Variants in DCDC1 observed in about 807,000 individuals in gnomAD.
The protein encoded by DCDC1 is doublecortin domain containing 1, also known as doublecortin domain-containing protein 1.
DCDC1 carries 200 observed loss-of-function variants against 178.3 expected under a neutral mutation model. The observed-to-expected ratio is 1.12, with a 90% CI of 1.00 to 1.26. The LOEUF is 1.26. Ranked by LOEUF, DCDC1 falls within the 50% of genes most tolerant of loss-of-function variation. The probability of loss-of-function intolerance (pLI) is 0.00; values close to 1 mark genes in which losing one functional copy is unlikely to be tolerated. For synonymous variants in DCDC1, 690 were observed against 604.8 expected (o/e 1.14, Z -2.07); for missense variants, 1,983 against 1,749.2 (o/e 1.13, Z -2.38).
chr11:31,110,710 C>CAA (rs10714067), intron 11 of DCDC1, among the ~76,000 whole-genome samples: 1 of 142,474 alleles, frequency 7.0e-6, no homozygotes. Flanking sequence ...AAGCAAGTGT[C>CAA]AAAAAAAAAA....
chr11:30,942,122 G>A (rs951045717), intron 21 of DCDC1, among the ~76,000 whole-genome samples: 7 of 152,134 alleles, frequency 4.6e-5, no homozygotes, highest in African/African-American at 1.7e-4. Flanking sequence ...ATTTAGATAA[G>A]TGTCTGCTAT....
At chr11:31,237,953 T>TATA (rs1337439706) in intron 9 of DCDC1, among the ~76,000 whole-genome samples, 2 of 152,064 alleles carry the variant, frequency 1.3e-5, no homozygotes, top group African/African-American at 4.8e-5. Context: ...CTTACCATGA[T>TATA]ATAATAGATA....
At chr11:31,090,153 T>C (rs1041098650) in intron 17 of DCDC1, among the ~76,000 whole-genome samples, 1 of 152,188 alleles carries the variant, frequency 6.6e-6, no homozygotes, top group African/African-American at 2.4e-5. Context: ...TTAGGAACTA[T>C]GTATTTAGGA....
intron 8 of DCDC1, among the ~76,000 whole-genome samples, chr11:31,259,027 T>G (rs777083550): frequency 6.6e-6 from 1 of 152,084 alleles, no homozygotes; most frequent in Non-Finnish European, 1.5e-5. Flanking sequence ...CAACACAAAC[T>G]GCCAGATGTT....
At chr11:31,063,931 A>G (rs1203145529) in intron 20 of DCDC1, among the ~76,000 whole-genome samples, 1 of 152,160 alleles carries the variant, frequency 6.6e-6, no homozygotes, top group Admixed American at 6.5e-5. Context: ...TGAAATAAAG[A>G]GGATCAGAGA....
At chr11:31,090,134 T>C (rs1213776217) in intron 17 of DCDC1, among the ~76,000 whole-genome samples, 1 of 152,162 alleles carries the variant, frequency 6.6e-6, no homozygotes, top group Non-Finnish European at 1.5e-5. Flanking sequence ...TAGGGTTGTC[T>C]GCCACTACTT....
intron 9 of DCDC1, chr11:31,215,217 C>A: frequency 4.2e-6 from 1 of 240,750 alleles, no homozygotes; most frequent in East Asian, 1.6e-4. Flanking sequence ...ATCCCTTGAG[C>A]ACAGGAGATT....
chr11:31,307,898 A>C lies in DCDC1; in HGVS notation c.175T>G (p.Ser59Ala). 2.5e-6 allele frequency: 4 copies of C among 1,614,036 alleles called. No homozygotes were observed. Among genetic ancestry groups the C allele is most frequent in the Non-Finnish European group, 3.4e-6 (4 of 1,179,924 alleles). The change falls in exon 4 of 39, where the codon TCA becomes GCA. Residue 59 changes from serine to alanine, a missense_variant. Physicochemically the swap from Ser to Ala is moderately conservative, Grantham distance 99. Coordinates refer to ENST00000684477, the MANE Select transcript of DCDC1 (RefSeq NM_001387274.1). ...TTAATAACTGCTTTTGCCTGGGATG[A>C]CATAAACTCTCTGGAAGAAACAATG... is the stretch of plus-strand genomic sequence containing the variant. ...ILNDLPREFMSSQAKAVIKTT... is the reference protein window; with the variant it reads ...ILNDLPREFMASQAKAVIKTT...
At chr11:31,109,236 A>G (rs920402000) in intron 12 of DCDC1, among the ~76,000 whole-genome samples, 3 of 150,886 alleles carry the variant, frequency 2.0e-5, no homozygotes, top group East Asian at 2.0e-4. Context: ...CCCCCACCTC[A>G]GCCCCCGAGT....
At chr11:31,190,808 T>C (rs1970045745) in intron 9 of DCDC1, among the ~76,000 whole-genome samples, 1 of 152,136 alleles carries the variant, frequency 6.6e-6, no homozygotes, top group Admixed American at 6.6e-5. Context: ...AATATTTTAA[T>C]GGCCATTTGT....
chr11:31,052,709 A>C (rs1317739734), intron 20 of DCDC1, among the ~76,000 whole-genome samples: 1 of 152,198 alleles, frequency 6.6e-6, no homozygotes, highest in Non-Finnish European at 1.5e-5. Flanking sequence ...ATACATGGAA[A>C]TTAAATAACC....
At chr11:31,296,043 ACT>A (rs1271182076) in intron 6 of DCDC1, among the ~76,000 whole-genome samples, 1 of 151,318 alleles carries the variant, frequency 6.6e-6, no homozygotes, top group Non-Finnish European at 1.5e-5. Context: ...TAAAGAGAAA[ACT>A]CTTGGAACTA....
rs768258040 is a variant in DCDC1 at position 31,306,243 on chromosome 11, T to G, written c.580A>C (p.Thr194Pro). ...RTVFARVTVP[T>P]ITLLLEECTE... ...GGAACACTAGTTACCAAGGTGATGG[T>G]TGGTACAGTAACTCTGGCAAAGACT... is the stretch of plus-strand genomic sequence containing the variant. Residue 194 changes from threonine to proline, a missense_variant, in exon 5 of 39, where the codon ACC (threonine) becomes CCC (proline). Physicochemically the swap from Thr to Pro is conservative, Grantham distance 38. Coordinates refer to ENST00000684477, the MANE Select transcript of DCDC1 (RefSeq NM_001387274.1). The G allele has an allele frequency of 3.1e-5, 49 of 1,571,496 alleles. No homozygotes were observed. Among genetic ancestry groups the G allele is most frequent in the Non-Finnish European group, 3.9e-5 (45 of 1,159,360 alleles).
intron 15 of DCDC1, among the ~76,000 whole-genome samples, chr11:31,094,805 T>A (rs1325429094): frequency 6.6e-6 from 1 of 151,994 alleles, no homozygotes; most frequent in Non-Finnish European, 1.5e-5. Flanking sequence ...TTTTTTTTTA[T>A]ATATATACTT....
rs1278959045 is a variant in DCDC1 at position 30,863,642 on chromosome 11, C to CAA, written c.*1729_*1730dup. The CAA allele has an allele frequency of 6.6e-6, 1 of 152,114 alleles. No individual in the cohort carries two copies. The highest frequency in any genetic ancestry group is 1.5e-5 in the Non-Finnish European group (1 of 68,004). The allele number at this position is 152,114 out of a possible 1,614,324, so 9.4% of individuals were successfully genotyped here. ...CATGGTTTATTGTTTTTGAATAAAA[C>CAA]AAAATAAGATATTACTACAGAGAAA... On this transcript the variant is annotated 3_prime_UTR_variant, in exon 39 of 39. Transcript: ENST00000684477.
intron 9 of DCDC1, among the ~76,000 whole-genome samples, chr11:31,155,246 C>T (rs1965599749): frequency 6.6e-6 from 1 of 152,168 alleles, no homozygotes; most frequent in South Asian, 2.1e-4. Context: ...GAACCTAGGT[C>T]TTTTGATATT....
intron 32 of DCDC1, among the ~76,000 whole-genome samples, chr11:30,901,810 T>C (rs1476611443): frequency 2.0e-5 from 3 of 152,190 alleles, no homozygotes; most frequent in Non-Finnish European, 4.4e-5. Context: ...AGCAATCAGC[T>C]AGGCATTAAA....
At chr11:30,929,265 T>A (rs562079342) in intron 22 of DCDC1, among the ~76,000 whole-genome samples, 1 of 152,218 alleles carries the variant, frequency 6.6e-6, no homozygotes, top group East Asian at 1.9e-4. Context: ...GTACATCTGC[T>A]ATGAATGAAG....
At chr11:30,940,203 G>A (rs1403676774) in intron 21 of DCDC1, among the ~76,000 whole-genome samples, 1 of 152,014 alleles carries the variant, frequency 6.6e-6, no homozygotes, top group Non-Finnish European at 1.5e-5. Flanking sequence ...CTCGAAACTT[G>A]AGAAAGTTAC....
Sources: gnomAD v4.1 joint callset for allele counts (sites outside exome capture counted in the v4.1 genomes callset) on GRCh38, gnomAD v4.1.1 for gene constraint, MANE v1.5 for transcripts, NCBI Gene and HGNC (gene_info 2026-07-23, HGNC 2026-07-21) for gene names.